MCC: variants seen among roughly 807,000 people sequenced by gnomAD.
MCC encodes the protein colorectal mutant cancer protein.
A neutral mutation model predicts 116.2 loss-of-function variants in MCC; 90 were observed. That is an observed-to-expected ratio of 0.77 (90% confidence interval 0.65 to 0.92). The LOEUF (loss-of-function observed/expected upper bound fraction) is 0.92. Ranked by LOEUF, MCC falls within the 40% of genes least tolerant of loss-of-function variation. The probability of loss-of-function intolerance (pLI) is 0.00; values close to 1 mark genes in which losing one functional copy is unlikely to be tolerated. For missense variants in MCC, 1,516 were observed against 1,312.2 expected (o/e 1.16, Z -2.40); for synonymous variants, 578 against 510.5 (o/e 1.13, Z -1.78).
intron 1 of MCC, among the ~76,000 whole-genome samples, chr5:113,487,993 A>G (rs545803851): frequency 9.2e-4 from 140 of 152,202 alleles, no homozygotes; most frequent in African/African-American, 3.2e-3. Flanking sequence ...TCCTAAGGAG[A>G]TGTCTCCCAA....
intron 3 of MCC, among the ~76,000 whole-genome samples, chr5:113,200,763 G>T (rs1157549399): frequency 6.6e-6 from 1 of 152,220 alleles, no homozygotes; most frequent in Non-Finnish European, 1.5e-5. Context: ...CAAATAGGGG[G>T]ATTTGAAACC....
At chr5:113,076,703 A>C (rs1754480014) in intron 11 of MCC, among the ~76,000 whole-genome samples, 1 of 152,228 alleles carries the variant, frequency 6.6e-6, no homozygotes, top group South Asian at 2.1e-4. Context: ...CACTACAAAA[A>C]CATGCCAAAT....
chr5:113,143,079 A>G lies in MCC; in HGVS notation c.884+139T>C, dbSNP rs79267230. 2.0e-3 allele frequency: 1,851 copies of G among 934,792 alleles called. 30 individuals carry two copies. The African/African-American group carries it at 0.029, about 14-fold the overall frequency. 57.9% of individuals were successfully genotyped at this position (934,792 alleles called of 1,614,324 possible). On this transcript the variant is annotated intron_variant, in intron 5 of 18. Transcript: ENST00000408903. ...TACACTTCAAAAGCCTTAGATACAA[A>G]GAAAACATCATTATAATCTAGTTTA...
Position 113,024,048 on chromosome 5 carries a change from CT to C in MCC, c.*3253del, listed in dbSNP as rs11336969. 0.75 allele frequency: 114,212 copies of C among 152,082 alleles called. 43,123 individuals carry two copies. The highest frequency in any genetic ancestry group is 0.82 in the African/African-American group (33,896 of 41,498). The allele number at this position is 152,082 out of a possible 1,614,324, so 9.4% of individuals were successfully genotyped here. A position where few individuals can be genotyped will look rare whatever the true frequency, so the allele number is the denominator to read the frequency against. ...ATGTTTTCCTTAGAGTGGTAACTTT[CT>C]TTACTACTCCTTAACAGCTTTTAAG... is the stretch of plus-strand genomic sequence containing the variant. On this transcript the variant is annotated 3_prime_UTR_variant, in exon 19 of 19. Transcript: ENST00000408903.
intron 3 of MCC, among the ~76,000 whole-genome samples, chr5:113,232,423 C>A (rs1033805469): frequency 1.3e-5 from 2 of 152,066 alleles, no homozygotes; most frequent in Admixed American, 1.3e-4. Context: ...AGCAACAGGC[C>A]ATGTGAGTCA....
intron 1 of MCC, among the ~76,000 whole-genome samples, chr5:113,439,157 T>C (rs1433104075): frequency 1.3e-5 from 2 of 152,128 alleles, no homozygotes; most frequent in African/African-American, 4.8e-5. Flanking sequence ...ATGGTTTAAT[T>C]TGGAAAAGGT....
chr5:113,447,896 G>A (rs185709308), intron 1 of MCC, among the ~76,000 whole-genome samples: 47 of 152,164 alleles, frequency 3.1e-4, no homozygotes, highest in Non-Finnish European at 6.0e-4. Flanking sequence ...CTCATTCTTG[G>A]GCAGTCACTG....
intron 3 of MCC, among the ~76,000 whole-genome samples, chr5:113,264,826 TGAGGTTAG>T (rs1410772762): frequency 6.6e-6 from 1 of 152,114 alleles, no homozygotes; most frequent in Non-Finnish European, 1.5e-5. Flanking sequence ...GCAGATCACC[TGAGGTTAG>T]GAGTTTGAGA....
chr5:113,119,376 C>T (rs910186187), intron 6 of MCC, among the ~76,000 whole-genome samples: 2 of 151,942 alleles, frequency 1.3e-5, no homozygotes, highest in Non-Finnish European at 1.5e-5. Flanking sequence ...GAGGGGAGGG[C>T]GGGGGGCCTT....
In MCC at chr5:113,101,554, A is replaced by C. The variant is rs1233656665; in HGVS notation, c.1398+185T>G. The C allele has an allele frequency of 2.9e-5, 17 of 588,650 alleles. No individual in the cohort carries two copies. In the South Asian group the frequency reaches 3.5e-4, roughly 12 times the overall value. The allele number at this position is 588,650 out of a possible 1,614,324, so 36.5% of individuals were successfully genotyped here. A position where few individuals can be genotyped will look rare whatever the true frequency, so the allele number is the denominator to read the frequency against. The stretch of plus-strand genomic sequence containing the variant: ...AAAAGTGTTTGCTTTTTTTTTTTAA[A>C]TCTTACCTCTATACCTTAGCAATTT... On this transcript the variant is annotated intron_variant, in intron 8 of 18. Transcript: ENST00000408903.
chr5:113,072,890 T>C (rs1561780557), intron 11 of MCC, among the ~76,000 whole-genome samples: 1 of 152,256 alleles, frequency 6.6e-6, no homozygotes, highest in Non-Finnish European at 1.5e-5. Context: ...TTGCCACCTC[T>C]AGTTTAACAT....
intron 3 of MCC, among the ~76,000 whole-genome samples, chr5:113,197,952 G>A (rs1251249955): frequency 6.6e-6 from 1 of 152,234 alleles, no homozygotes; most frequent in African/African-American, 2.4e-5. Context: ...GAGTGAAAGT[G>A]TGTCTGATAA....
chr5:113,312,767 C>T (rs1360593824), intron 3 of MCC, among the ~76,000 whole-genome samples: 2 of 152,088 alleles, frequency 1.3e-5, no homozygotes, highest in African/African-American at 2.4e-5. Flanking sequence ...CATATATATA[C>T]CTTGAAATTT....
chr5:113,413,539 C>A (rs1027173883), intron 1 of MCC, among the ~76,000 whole-genome samples: 60 of 152,236 alleles, frequency 3.9e-4, no homozygotes, highest in African/African-American at 1.4e-3. Flanking sequence ...TTTGTTCTAG[C>A]TTTTCTAGTT....
intron 16 of MCC, among the ~76,000 whole-genome samples, chr5:113,047,511 G>C (rs1473671312): frequency 6.6e-6 from 1 of 152,196 alleles, no homozygotes; most frequent in Non-Finnish European, 1.5e-5. Context: ...TAACTATGTA[G>C]GGAGTGACAA....
intron 6 of MCC, among the ~76,000 whole-genome samples, chr5:113,108,116 G>A (rs1279281559): frequency 6.6e-6 from 1 of 152,010 alleles, no homozygotes; most frequent in Non-Finnish European, 1.5e-5. Flanking sequence ...AGGCCGAGGT[G>A]GGTGGATCAC....
At chr5:113,186,720 G>A (rs935655978) in intron 3 of MCC, among the ~76,000 whole-genome samples, 1 of 152,170 alleles carries the variant, frequency 6.6e-6, no homozygotes, top group African/African-American at 2.4e-5. Flanking sequence ...AAAGCTTCAA[G>A]CCTATGTACC....
intron 13 of MCC, among the ~76,000 whole-genome samples, chr5:113,066,222 G>A (rs1346606286): frequency 6.6e-6 from 1 of 152,186 alleles, no homozygotes; most frequent in Non-Finnish European, 1.5e-5. Context: ...CATGCCTAAT[G>A]AAAGGTACCT....
chr5:113,294,577 T>G lies in MCC; in HGVS notation c.627+45942A>C, dbSNP rs943041926. 3.2e-6 allele frequency: 4 copies of G among 1,263,372 alleles called. No homozygotes were observed. In the African/African-American group the frequency reaches 6.2e-5, roughly 20 times the overall value. The allele number at this position is 1,263,372 out of a possible 1,614,324, so 78.3% of individuals were successfully genotyped here. On this transcript the variant is annotated intron_variant, in intron 3 of 18. Coordinates refer to ENST00000408903, the MANE Select transcript of MCC (RefSeq NM_001085377.2). ...TTAAAAAGAGCAGCCGTGGCTCGCG[T>G]TTCACGGACGAGCCATTGCTGCAGG... is the stretch of plus-strand genomic sequence containing the variant.
Sources: allele counts gnomAD v4.1 joint callset (sites outside exome capture counted in the v4.1 genomes callset), GRCh38; gene constraint gnomAD v4.1.1; transcripts MANE v1.5; gene names NCBI Gene and HGNC (gene_info 2026-07-23, HGNC 2026-07-21).